CCSER1: variants seen among roughly 807,000 people sequenced by gnomAD.
CCSER1 encodes the protein coiled-coil serine rich protein 1.
CCSER1 carries 41 observed loss-of-function variants against 82.0 expected under a neutral mutation model. The observed-to-expected ratio is 0.50, with a 90% CI of 0.39 to 0.65. CCSER1 has a LOEUF of 0.65. Among genes scored for constraint, CCSER1 ranks in the 30% least tolerant of loss-of-function variants. The pLI is 0.00. For missense variants in CCSER1, 1,119 were observed against 1,064.2 expected (o/e 1.05, Z -0.72); for synonymous variants, 414 against 383.9 (o/e 1.08, Z -0.92).
chr4:90,222,618 G>T (rs1490333044), intron 1 of CCSER1, among the ~76,000 whole-genome samples: 8 of 152,102 alleles, frequency 5.3e-5, no homozygotes, highest in Non-Finnish European at 1.2e-4. Context: ...AAATTTCAAA[G>T]TGCCTTTTTA....
chr4:91,541,129 C>A (rs900864412), intron 10 of CCSER1, among the ~76,000 whole-genome samples: 2 of 152,112 alleles, frequency 1.3e-5, no homozygotes. Flanking sequence ...GAACAAGTTG[C>A]GGCAAAGTGA....
chr4:91,216,389 G>A (rs1300085256), intron 10 of CCSER1, among the ~76,000 whole-genome samples: 12 of 152,208 alleles, frequency 7.9e-5, no homozygotes, highest in Middle Eastern at 3.4e-3. Flanking sequence ...GCACGATCTC[G>A]GCTCACTGCA....
intron 10 of CCSER1, among the ~76,000 whole-genome samples, chr4:91,107,639 CT>C (rs55901052): frequency 0.25 from 34,208 of 136,168 alleles, 3,849 homozygotes; most frequent in Middle Eastern, 0.31. Flanking sequence ...TTCTTTTTCT[CT>C]TTTTTTTTTT....
At chr4:90,970,835 G>T (rs1354012754) in intron 9 of CCSER1, among the ~76,000 whole-genome samples, 1 of 151,692 alleles carries the variant, frequency 6.6e-6, no homozygotes. Context: ...TAAATAATGA[G>T]TTGAATCTAA....
intron 10 of CCSER1, among the ~76,000 whole-genome samples, chr4:91,485,454 G>T (rs1758164943): frequency 6.6e-6 from 1 of 152,092 alleles, no homozygotes; most frequent in Non-Finnish European, 1.5e-5. Context: ...TTTACACTAT[G>T]ACAAAAATAT....
chr4:91,027,366 G>T lies in CCSER1; in HGVS notation c.2173-58584G>T, dbSNP rs187576711. On this transcript the variant is annotated intron_variant, in intron 9 of 10. Coordinates refer to ENST00000509176, the MANE Select transcript of CCSER1 (RefSeq NM_001145065.2). The stretch of plus-strand genomic sequence containing the variant: ...CTTGTTAGTTAACTTAGTTAATTGG[G>T]TTTTTTTTTACTTTTTTCATTAAGA... Among the ~76,000 whole-genome samples, 720 of 150,652 alleles carry T rather than the reference G, an allele frequency of 4.8e-3. 6 individuals are homozygous for T. Among genetic ancestry groups the T allele is most frequent in the African/African-American group, 0.016 (651 of 41,060 alleles).
rs572203454 is a variant in CCSER1 at position 91,334,117 on chromosome 4, A to G, written c.2217+248123A>G. 7.2e-5 allele frequency among the ~76,000 whole-genome samples: 11 copies of G among 152,296 alleles called. No homozygotes were observed. The South Asian group carries it at 2.3e-3, about 32-fold the overall frequency. On this transcript the variant is annotated intron_variant, in intron 10 of 10. Transcript: ENST00000509176. ...TTTCAAAACATACAAATGTTTACAT[A>G]AATGGTGTAATGTATTGTTATTCCA...
At chr4:90,896,615 G>A (rs1197337150) in intron 8 of CCSER1, among the ~76,000 whole-genome samples, 1 of 151,842 alleles carries the variant, frequency 6.6e-6, no homozygotes, top group Non-Finnish European at 1.5e-5. Flanking sequence ...GTATGAACCT[G>A]AAATAACATA....
chr4:90,570,591 A>G (rs1779995161), intron 5 of CCSER1, among the ~76,000 whole-genome samples: 1 of 152,022 alleles, frequency 6.6e-6, no homozygotes, highest in Non-Finnish European at 1.5e-5. Context: ...GACTATCCCT[A>G]AGAGAGGGGG....
At chr4:91,190,741 T>C (rs960887070) in intron 10 of CCSER1, among the ~76,000 whole-genome samples, 2 of 152,228 alleles carry the variant, frequency 1.3e-5, no homozygotes, top group African/African-American at 4.8e-5. Flanking sequence ...GTACATTGTC[T>C]TACGGTTTCA....
intron 9 of CCSER1, among the ~76,000 whole-genome samples, chr4:91,024,017 G>A (rs1202258448): frequency 1.3e-5 from 2 of 152,130 alleles, no homozygotes; most frequent in African/African-American, 2.4e-5. Context: ...GAGAGCTGAA[G>A]GCAGCACAGT....
At chr4:91,179,743 T>C (rs4538448) in intron 10 of CCSER1, among the ~76,000 whole-genome samples, 110,244 of 152,104 alleles carry the variant, frequency 0.72, 40,260 homozygotes, top group Non-Finnish European at 0.78. Flanking sequence ...GCGATGGGTT[T>C]GAACATCCTC....
At chr4:90,180,116 G>A (rs1036640401) in intron 1 of CCSER1, among the ~76,000 whole-genome samples, 1 of 104,434 alleles carries the variant, frequency 9.6e-6, no homozygotes, top group Non-Finnish European at 1.8e-5. Flanking sequence ...TATTGCTTAT[G>A]TAGTTATATA....
In CCSER1 at chr4:90,287,655, C is replaced by G. The variant is rs191286723; in HGVS notation, c.-41-20589C>G. ...TAAAAATAAACTAACATAGTAGATTCATGAGATTAGACGTTTTCCATTTTT... is the reference window on the plus strand; with the variant it reads ...TAAAAATAAACTAACATAGTAGATTGATGAGATTAGACGTTTTCCATTTTT... On this transcript the variant is annotated intron_variant, in intron 1 of 10. Transcript: ENST00000509176. 1.3e-4 allele frequency among the ~76,000 whole-genome samples: 20 copies of G among 151,956 alleles called. No homozygotes were observed. The East Asian group carries it at 3.9e-3, about 30-fold the overall frequency.
At chr4:90,416,152 G>A (rs892084673) in intron 4 of CCSER1, among the ~76,000 whole-genome samples, 8 of 151,298 alleles carry the variant, frequency 5.3e-5, no homozygotes, top group Non-Finnish European at 8.8e-5. Context: ...CAATATGTAC[G>A]TATATCAAAT....
chr4:90,729,059 A>G (rs1561028776), intron 7 of CCSER1, among the ~76,000 whole-genome samples: 1 of 152,196 alleles, frequency 6.6e-6, no homozygotes, highest in Non-Finnish European at 1.5e-5. Context: ...GCTATGTGAG[A>G]CCTTGAGCCA....
chr4:90,506,822 G>T (rs529246125), intron 5 of CCSER1, among the ~76,000 whole-genome samples: 3 of 151,548 alleles, frequency 2.0e-5, no homozygotes, highest in African/African-American at 7.3e-5. Context: ...GTTAAACATT[G>T]TTAAACTAAA....
chr4:90,148,709 A>G lies in CCSER1; in HGVS notation c.-42+20878A>G, dbSNP rs543008080. Among the ~76,000 whole-genome samples, 5 of 152,170 alleles carry G rather than the reference A, an allele frequency of 3.3e-5. No individual in the cohort carries two copies. The South Asian group carries it at 1.0e-3, about 31-fold the overall frequency. On this transcript the variant is annotated intron_variant, in intron 1 of 10. Coordinates refer to ENST00000509176, the MANE Select transcript of CCSER1 (RefSeq NM_001145065.2). ...TTTGATTTCAGTTTTGCAATGGACA[A>G]ACCTGAGGATTGGAAATCAAATGTT...
At chr4:91,441,173 A>G (rs1469747408) in intron 10 of CCSER1, among the ~76,000 whole-genome samples, 9 of 152,096 alleles carry the variant, frequency 5.9e-5, no homozygotes, top group Non-Finnish European at 8.8e-5. Flanking sequence ...ACCAAAAAAG[A>G]GAGTTTTAGA....
Sources: gnomAD v4.1 joint callset for allele counts (sites outside exome capture counted in the v4.1 genomes callset) on GRCh38, gnomAD v4.1.1 for gene constraint, MANE v1.5 for transcripts, NCBI Gene and HGNC (gene_info 2026-07-23, HGNC 2026-07-21) for gene names.